Variants in SLC51A observed in about 807,000 individuals in gnomAD.
SLC51A encodes solute carrier family 51 member A.
SLC51A carries 22 observed loss-of-function variants against 34.8 expected under a neutral mutation model. That is an observed-to-expected ratio of 0.63 (90% CI 0.45 to 0.90). SLC51A has a LOEUF of 0.90. Ranked by LOEUF, SLC51A falls within the 40% of genes least tolerant of loss-of-function variation. The pLI, the probability that SLC51A is intolerant of heterozygous loss-of-function variation, is 0.00. For missense variants in SLC51A, 371 were observed against 414.8 expected, an observed-to-expected ratio of 0.89 and a Z score of 0.92; for synonymous variants, 181 against 176.3, an observed-to-expected ratio of 1.03 and a Z score of -0.21.
chr3:196,226,892 C>A, intron 2 of SLC51A, 73 bp from the exon 3 acceptor site: 1 of 1,479,038 alleles, frequency 6.8e-7, no homozygotes. Flanking sequence ...AAGGCAATTT[C>A]GATCCGAGGA....
chr3:196,229,763 G>C (rs1436633505), intron 6 of SLC51A, 152 bp from the exon 7 acceptor site: 2 of 787,628 alleles, frequency 2.5e-6, no homozygotes, highest in African/African-American at 1.8e-5. Flanking sequence ...CTGAGGCGAG[G>C]GGATCACTGG....
chr3:196,232,840 A>G, intron 8 of SLC51A: 1 of 595,384 alleles, frequency 1.7e-6, no homozygotes, highest in Non-Finnish European at 3.0e-6. Context: ...ACACATAAGA[A>G]ATGGACTGTA....
At chr3:196,230,475 G>A (rs999620017) in intron 7 of SLC51A, among the ~76,000 whole-genome samples, 1 of 150,602 alleles carries the variant, frequency 6.6e-6, no homozygotes, top group Non-Finnish European at 1.5e-5. Context: ...CCATTATCTC[G>A]TTATATTCTC....
chr3:196,228,945 C>T lies in SLC51A; in HGVS notation c.633+25C>T, dbSNP rs1256979093. The T allele has an allele frequency of 8.5e-6, 13 of 1,535,640 alleles. No individual in the cohort carries two copies. The highest frequency in any genetic ancestry group is 3.4e-5 in the South Asian group (3 of 89,512). On this transcript the variant is annotated intron_variant, in intron 6 of 8. Transcript: ENST00000296327. The surrounding 1 kb of genome is among the most constrained non-coding windows in gnomAD (Gnocchi z 4.9). ...CGTAAGCCGGGAGTAAGGGACAGCACAGTCCAAGACTCATTTAGTACCTTT... is the reference window on the plus strand; with the variant it reads ...CGTAAGCCGGGAGTAAGGGACAGCATAGTCCAAGACTCATTTAGTACCTTT...
chr3:196,218,010 G>A (rs1054042761), intron 2 of SLC51A, 74 bp downstream of exon 2: 19 of 1,396,654 alleles, frequency 1.4e-5, no homozygotes, highest in Middle Eastern at 2.1e-4. Flanking sequence ...GGGGAGAGGC[G>A]GCCCTGAGCT....
rs576539884 is a variant in SLC51A at position 196,229,934 on chromosome 3, C to T, written c.653C>T (p.Ala218Val). ...DPADISEGST[A>V]LWINTFLGVS... ...CACCAGATTTCTGAGGGGAGCACAG[C>T]TCTATGGATCAACACTTTCCTTGGC... is the stretch of plus-strand genomic sequence containing the variant. The change falls in exon 7 of 9, where the codon GCT becomes GTT. Residue 218 changes from alanine (A) to valine (V), a missense_variant. By Grantham distance (64) the Ala-to-Val change is moderately conservative. Coordinates refer to ENST00000296327, the MANE Select transcript of SLC51A (RefSeq NM_152672.6). The T allele has an allele frequency of 4.3e-6, 7 of 1,611,786 alleles. No individual in the cohort carries two copies. The African/African-American group carries it at 9.3e-5, about 22-fold the overall frequency.
intron 2 of SLC51A, among the ~76,000 whole-genome samples, chr3:196,222,003 C>T (rs1723769629): frequency 6.6e-6 from 1 of 151,742 alleles, no homozygotes; most frequent in Admixed American, 6.6e-5. Flanking sequence ...CAGGCGTGAG[C>T]CCCCCCGCCC....
At chr3:196,217,776 C>T (rs1723633461) in intron 1 of SLC51A, 66 bp from the exon 2 acceptor site, 1 of 1,355,074 alleles carries the variant, frequency 7.4e-7, no homozygotes, top group Non-Finnish European at 1.0e-6. Context: ...GGTTGAGGGT[C>T]CAGTGTGCAA....
intron 1 of SLC51A, 130 bp from the exon 2 acceptor site, chr3:196,217,712 A>G (rs957708311): frequency 2.1e-5 from 13 of 630,998 alleles, no homozygotes; most frequent in African/African-American, 1.6e-4. Context: ...GAAAGAAAGA[A>G]AGAGAGAGAA....
rs763776660 is a variant in SLC51A at position 196,216,781 on chromosome 3, C to A, written c.38+31C>A. 5.1e-6 allele frequency: 8 copies of A among 1,556,244 alleles called. No homozygotes were observed. In the Middle Eastern group the frequency reaches 5.0e-4, roughly 98 times the overall value. ...TGAGGGCGGCGGGCCCTGGGCCAGT[C>A]GCTGGGCAGCGGTGGCCCCTATCCC... On this transcript the variant is annotated intron_variant, in intron 1 of 8. Transcript: ENST00000296327. The surrounding 1 kb of genome is among the most constrained non-coding windows in gnomAD (Gnocchi z 4.5).
At chr3:196,229,026 G>T in intron 6 of SLC51A, 106 bp downstream of exon 6, 1 of 917,000 alleles carries the variant, frequency 1.1e-6, no homozygotes. Flanking sequence ...CCCCAGAAAA[G>T]GGTGGCTGTG....
intron 2 of SLC51A, among the ~76,000 whole-genome samples, chr3:196,220,386 C>A (rs1723724044): frequency 6.6e-6 from 1 of 152,144 alleles, no homozygotes; most frequent in South Asian, 2.1e-4. Context: ...CATCTGCGGT[C>A]AAGAGTTCAA....
chr3:196,219,364 G>A (rs912089177), intron 2 of SLC51A, among the ~76,000 whole-genome samples: 1 of 152,228 alleles, frequency 6.6e-6, no homozygotes. Flanking sequence ...TCACGCCTGC[G>A]TTTTATTTTG....
chr3:196,232,573 A>G (rs1724050981), intron 8 of SLC51A, 49 bp downstream of exon 8: 4 of 1,478,518 alleles, frequency 2.7e-6, no homozygotes, highest in Admixed American at 1.7e-5. Flanking sequence ...TGAGACGGGG[A>G]GAGTCAGGAA....
chr3:196,229,282 C>T (rs1723972440), intron 6 of SLC51A, among the ~76,000 whole-genome samples: 1 of 151,896 alleles, frequency 6.6e-6, no homozygotes, highest in Non-Finnish European at 1.5e-5. Flanking sequence ...TGGTGGCTCA[C>T]ACCTGTAATC....
At position 196,216,621 on chromosome 3, in the gene SLC51A, A is replaced by G; in HGVS notation, c.-92A>G. On this transcript the variant is annotated 5_prime_UTR_variant, in exon 1 of 9. Transcript: ENST00000296327. This position sits in a 1 kb window ranked among gnomAD's most constrained non-coding sequence, Gnocchi z 4.5. ...TTCTGCTTGCCCCCCACCCCGGCCCAGGCAAGCCACCCTGCCCCCGGCCCC... is the reference window on the plus strand; with the variant it reads ...TTCTGCTTGCCCCCCACCCCGGCCCGGGCAAGCCACCCTGCCCCCGGCCCC... The G allele has an allele frequency of 9.1e-7, 1 of 1,098,940 alleles. No homozygotes were observed. The allele number at this position is 1,098,940 out of a possible 1,614,324, so 68.1% of individuals were successfully genotyped here.
chr3:196,227,191 A>C, intron 3 of SLC51A, 72 bp downstream of exon 3: 1 of 1,167,910 alleles, frequency 8.6e-7, no homozygotes, highest in Non-Finnish European at 1.2e-6. Context: ...ATTCCTCTAA[A>C]CTCAGCACGT....
intron 2 of SLC51A, among the ~76,000 whole-genome samples, chr3:196,220,367 C>G (rs1723719664): frequency 6.6e-6 from 1 of 152,180 alleles, no homozygotes; most frequent in Non-Finnish European, 1.5e-5. Context: ...GAGGCCGAGG[C>G]AGGCGGATCA....
At chr3:196,227,201 T>TCACTTCCGC in intron 3 of SLC51A, 82 bp downstream of exon 3, 7 of 1,463,690 alleles carry the variant, frequency 4.8e-6, no homozygotes, top group Non-Finnish European at 5.6e-6. Context: ...ACTCAGCACG[T>TCACTTCCGC]CACTTCGGCA....
Sources: allele counts gnomAD v4.1 joint callset (sites outside exome capture counted in the v4.1 genomes callset), GRCh38; gene constraint gnomAD v4.1.1; non-coding constraint Gnocchi (gnomAD v3.1); transcripts MANE v1.5; gene names NCBI Gene and HGNC (gene_info 2026-07-23, HGNC 2026-07-21).